Variants in CSTPP1 observed in about 807,000 individuals in gnomAD.
CSTPP1 encodes the protein UPF0705 protein C11orf49.
chr11:46,984,255 A>G, the CSTPP1 span, among the ~76,000 whole-genome samples: 1 of 152,232 alleles, frequency 6.6e-6, no homozygotes, highest in African/African-American at 2.4e-5. Context: ...CCTTGGTTCA[A>G]ATCTTGGCTT....
chr11:47,150,541 G>A, the CSTPP1 span, among the ~76,000 whole-genome samples: 4 of 152,296 alleles, frequency 2.6e-5, no homozygotes, highest in East Asian at 1.9e-4. Flanking sequence ...CAGTAGCAGG[G>A]GGGCCTATTC....
At chr11:47,105,255 G>A in the CSTPP1 span, among the ~76,000 whole-genome samples, 1 of 152,160 alleles carries the variant, frequency 6.6e-6, no homozygotes, top group Non-Finnish European at 1.5e-5. Flanking sequence ...TACACTTTGG[G>A]AAGCAGATGT....
the CSTPP1 span, among the ~76,000 whole-genome samples, chr11:47,061,280 A>G: frequency 6.6e-3 from 1,008 of 152,340 alleles, 37 homozygotes; most frequent in Admixed American, 0.056. Context: ...CTGCTTTTAT[A>G]GAGCTTACAT....
the CSTPP1 span, among the ~76,000 whole-genome samples, chr11:46,940,787 C>T: frequency 3.3e-5 from 5 of 152,070 alleles, no homozygotes; most frequent in African/African-American, 1.2e-4. Context: ...CAAGCAATGC[C>T]TAGACTTTTT....
At chr11:47,145,112 C>T in the CSTPP1 span, among the ~76,000 whole-genome samples, 3 of 151,384 alleles carry the variant, frequency 2.0e-5, no homozygotes, top group East Asian at 5.9e-4. Flanking sequence ...CTCAGCCTCC[C>T]AAGTAGCTAG....
At chr11:47,088,325 A>T in the CSTPP1 span, among the ~76,000 whole-genome samples, 1 of 152,208 alleles carries the variant, frequency 6.6e-6, no homozygotes, top group Non-Finnish European at 1.5e-5. Flanking sequence ...GTCTACACTT[A>T]ATATACATAT....
the CSTPP1 span, among the ~76,000 whole-genome samples, chr11:47,117,749 C>T: frequency 6.6e-6 from 1 of 152,148 alleles, no homozygotes; most frequent in African/African-American, 2.4e-5. Context: ...CTATTCTCCC[C>T]ATCACTTTCA....
the CSTPP1 span, among the ~76,000 whole-genome samples, chr11:46,952,123 G>T: frequency 6.6e-6 from 1 of 152,162 alleles, no homozygotes; most frequent in Non-Finnish European, 1.5e-5. Context: ...GCTCATACAA[G>T]AAGCACTTTC....
the CSTPP1 span, among the ~76,000 whole-genome samples, chr11:47,092,988 A>G: frequency 1.3e-5 from 2 of 152,230 alleles, no homozygotes; most frequent in African/African-American, 4.8e-5. Context: ...TATTTGTTTA[A>G]TAACTAGATG....
At chr11:47,110,648 G>T in the CSTPP1 span, among the ~76,000 whole-genome samples, 1 of 152,190 alleles carries the variant, frequency 6.6e-6, no homozygotes, top group Non-Finnish European at 1.5e-5. Context: ...ACTGGGTGGT[G>T]CCTGGCTTTG....
At chr11:47,157,080 A>G in the CSTPP1 span, 1 of 1,614,172 alleles carries the variant, frequency 6.2e-7, no homozygotes, top group Middle Eastern at 1.6e-4. Context: ...AAGAACCCCA[A>G]CACAGTGATT....
the CSTPP1 span, chr11:47,156,954 G>A: frequency 2.0e-6 from 3 of 1,527,864 alleles, no homozygotes; most frequent in Admixed American, 5.3e-5. Flanking sequence ...GGAAGACATA[G>A]TGAACAGACA....
chr11:46,996,549 G>A, the CSTPP1 span, among the ~76,000 whole-genome samples: 375 of 152,198 alleles, frequency 2.5e-3, 1 homozygote, highest in African/African-American at 8.1e-3. Flanking sequence ...TGATCCGCCC[G>A]TCTCGGTCTC....
the CSTPP1 span, chr11:47,164,322 C>T: frequency 1.4e-6 from 2 of 1,471,796 alleles, no homozygotes; most frequent in South Asian, 2.7e-5. Flanking sequence ...CAACAGGGAG[C>T]CAGGCCCTGC....
the CSTPP1 span, among the ~76,000 whole-genome samples, chr11:46,961,082 A>G: frequency 6.6e-6 from 1 of 152,174 alleles, no homozygotes; most frequent in African/African-American, 2.4e-5. Flanking sequence ...TCTTTTAAGC[A>G]TATACCTAGG....
chr11:46,938,331 ATATAT>A, the CSTPP1 span, among the ~76,000 whole-genome samples: 3 of 147,920 alleles, frequency 2.0e-5, no homozygotes, highest in East Asian at 1.9e-4. Context: ...ATATATAATA[ATATAT>A]TATATATTAT....
chr11:46,939,282 T>C, the CSTPP1 span, among the ~76,000 whole-genome samples: 323 of 151,530 alleles, frequency 2.1e-3, 1 homozygote, highest in African/African-American at 7.5e-3. Flanking sequence ...TAGAGATGGG[T>C]TTCTCCATGT....
chr11:47,085,886 A>G, the CSTPP1 span, among the ~76,000 whole-genome samples: 6 of 151,556 alleles, frequency 4.0e-5, no homozygotes, highest in Non-Finnish European at 8.8e-5. Flanking sequence ...TCAAAAAAAA[A>G]AAAGATACTG....
At chr11:47,130,847 C>G in the CSTPP1 span, 7 of 152,292 alleles carry the variant, frequency 4.6e-5, no homozygotes, top group Non-Finnish European at 8.8e-5. Flanking sequence ...TTAGAGTGAG[C>G]CTTCACAACC....
Sources: allele counts gnomAD v4.1 joint callset (sites outside exome capture counted in the v4.1 genomes callset), GRCh38; gene constraint gnomAD v4.1.1; transcripts MANE v1.5; gene names NCBI Gene and HGNC (gene_info 2026-07-23, HGNC 2026-07-21).